Variants in CPNE4 observed in about 807,000 individuals in gnomAD.
The protein encoded by CPNE4 is copine-4.
A neutral mutation model predicts 67.9 loss-of-function variants in CPNE4; 25 were observed. The ratio of observed to expected loss-of-function variants is 0.37; its 90% CI spans 0.27 to 0.51. The LOEUF (loss-of-function observed/expected upper bound fraction) is 0.51, where lower values mean the gene tolerates loss of function less well. Ranked by LOEUF, CPNE4 falls within the 20% of genes least tolerant of loss-of-function variation. CPNE4 has a pLI of 0.93. For synonymous variants in CPNE4, 242 were observed against 244.9 expected, an observed-to-expected ratio of 0.99 and a Z score of 0.11; for missense variants, 464 against 690.8, an observed-to-expected ratio of 0.67 and a Z score of 3.68.
intron 1 of CPNE4, among the ~76,000 whole-genome samples, chr3:132,011,188 G>A (rs1484673693): frequency 6.6e-6 from 1 of 152,200 alleles, no homozygotes; most frequent in Non-Finnish European, 1.5e-5. Context: ...CTGCTGAGAA[G>A]AAGAGTCCCA....
At chr3:131,941,565 T>TATTTGAAAAAAATCATG (rs2071389181) in intron 1 of CPNE4, among the ~76,000 whole-genome samples, 1 of 152,078 alleles carries the variant, frequency 6.6e-6, no homozygotes, top group Admixed American at 6.6e-5. Context: ...AGAAAAGTTG[T>TATTTGAAAAAAATCATG]ATTTGAAAAA....
chr3:132,007,625 C>CT (rs1195191781), intron 1 of CPNE4, among the ~76,000 whole-genome samples: 326 of 146,334 alleles, frequency 2.2e-3, no homozygotes, highest in Middle Eastern at 7.1e-3. Flanking sequence ...CACAGCAGCC[C>CT]TTTTTTTTTT....
intron 9 of CPNE4, among the ~76,000 whole-genome samples, chr3:131,580,043 T>G (rs1937695423): frequency 6.6e-6 from 1 of 152,126 alleles, no homozygotes; most frequent in African/African-American, 2.4e-5. Context: ...AGTCAATTAA[T>G]GAGAAACTTC....
chr3:132,035,996 C>T (rs2074332224), upstream of CPNE4, among the ~76,000 whole-genome samples: 1 of 152,152 alleles, frequency 6.6e-6, no homozygotes. Context: ...CCATGAAGTT[C>T]TCAATTTCAA....
At chr3:131,923,480 G>A (rs1470271128) in intron 1 of CPNE4, among the ~76,000 whole-genome samples, 1 of 151,984 alleles carries the variant, frequency 6.6e-6, no homozygotes, top group Non-Finnish European at 1.5e-5. Context: ...CAAGGTGGGT[G>A]GGTCACTTGA....
intron 7 of CPNE4, among the ~76,000 whole-genome samples, chr3:131,594,691 G>T (rs1462344323): frequency 6.6e-6 from 1 of 152,122 alleles, no homozygotes; most frequent in Admixed American, 6.5e-5. Context: ...AGCAAAAATA[G>T]ATAGGTAGGA....
At chr3:131,750,844 A>AT (rs1295839882) in intron 2 of CPNE4, among the ~76,000 whole-genome samples, 6 of 150,940 alleles carry the variant, frequency 4.0e-5, no homozygotes, top group African/African-American at 7.3e-5. Flanking sequence ...GCTGGTGACA[A>AT]TTTTTTTTTA....
In CPNE4 at chr3:131,614,629, A is replaced by C. The variant is rs117128824; in HGVS notation, c.682-27047T>G. Among the ~76,000 whole-genome samples the C allele has an allele frequency of 7.9e-4, 121 of 152,336 alleles. 1 individual carries two copies. In the East Asian group the frequency reaches 0.014, roughly 18 times the overall value. On this transcript the variant is annotated intron_variant, in intron 7 of 15. Transcript: ENST00000429747. ...ATTTGGACTTGGGGTTGACAGAAGA[A>C]GTAGGAGAAAATTCTATGTAGGAAA...
At chr3:131,578,568 C>T in intron 9 of CPNE4, among the ~76,000 whole-genome samples, 1 of 152,146 alleles carries the variant, frequency 6.6e-6, no homozygotes, top group Admixed American at 6.5e-5. Context: ...ATGTCAGTAG[C>T]TGAGGTAGGC....
intron 1 of CPNE4, among the ~76,000 whole-genome samples, chr3:131,921,752 G>A (rs2070744529): frequency 6.6e-6 from 1 of 152,100 alleles, no homozygotes; most frequent in African/African-American, 2.4e-5. Context: ...CAATCATTAT[G>A]TTACTAGGGT....
Position 131,645,294 on chromosome 3 carries a change from T to C in CPNE4, c.681+24381A>G, listed in dbSNP as rs576244501. 3.8e-3 allele frequency among the ~76,000 whole-genome samples: 577 copies of C among 151,080 alleles called. 3 individuals carry two copies. The highest frequency in any genetic ancestry group is 0.013 in the African/African-American group (526 of 41,102). On this transcript the variant is annotated intron_variant, in intron 7 of 15. Transcript: ENST00000429747. ...TCTCTGCATCTTTTATGTTTGGCCA[T>C]TTTTTTTTCTTGGAAACACTGACTC...
intron 2 of CPNE4, among the ~76,000 whole-genome samples, chr3:131,759,962 G>C (rs911688898): frequency 6.6e-6 from 1 of 152,158 alleles, no homozygotes; most frequent in African/African-American, 2.4e-5. Flanking sequence ...CGTTTTATAG[G>C]ATCAGCTCCA....
At chr3:132,008,329 A>G (rs1190296110) in intron 1 of CPNE4, among the ~76,000 whole-genome samples, 2 of 152,226 alleles carry the variant, frequency 1.3e-5, no homozygotes, top group Non-Finnish European at 2.9e-5. Flanking sequence ...TTTAAGGTTC[A>G]TATGAAGATA....
intron 1 of CPNE4, among the ~76,000 whole-genome samples, chr3:131,930,279 G>T (rs936827071): frequency 6.6e-6 from 1 of 152,060 alleles, no homozygotes; most frequent in African/African-American, 2.4e-5. Flanking sequence ...ATGTACAAAG[G>T]GAAAATAGAA....
chr3:131,851,856 CAG>C (rs2086253068), intron 2 of CPNE4, among the ~76,000 whole-genome samples: 1 of 151,970 alleles, frequency 6.6e-6, no homozygotes, highest in Non-Finnish European at 1.5e-5. Flanking sequence ...GATGAAGAAA[CAG>C]AGACATGGGC....
In CPNE4 at chr3:131,653,209, G is replaced by C. The variant is rs1334643676; in HGVS notation, c.681+16466C>G. Among the ~76,000 whole-genome samples, 3 of 146,188 alleles carry C rather than the reference G, an allele frequency of 2.1e-5. No individual in the cohort carries two copies. The South Asian group carries it at 6.5e-4, about 32-fold the overall frequency. ...TGTCCAGGCTGGAGTGCAGTGGTGC[G>C]ATCTCGGCTCACTGCAAGCTCCGCC... On this transcript the variant is annotated intron_variant, in intron 7 of 15. Coordinates refer to ENST00000429747, the MANE Select transcript of CPNE4 (RefSeq NM_130808.3).
chr3:131,727,645 T>A (rs1283214414), intron 2 of CPNE4, among the ~76,000 whole-genome samples: 1 of 152,180 alleles, frequency 6.6e-6, no homozygotes, highest in African/African-American at 2.4e-5. Flanking sequence ...AGTATACAAT[T>A]CAATATGTTT....
intron 1 of CPNE4, among the ~76,000 whole-genome samples, chr3:132,016,097 A>G (rs2073884090): frequency 6.6e-6 from 1 of 152,238 alleles, no homozygotes; most frequent in Non-Finnish European, 1.5e-5. Context: ...AAAAGACAAG[A>G]TAACTTCTAA....
chr3:131,862,043 T>C (rs930037834), intron 2 of CPNE4, among the ~76,000 whole-genome samples: 15 of 152,234 alleles, frequency 9.9e-5, no homozygotes, highest in Non-Finnish European at 2.1e-4. Flanking sequence ...ACACAGATAT[T>C]ACCCAGGGGC....
Sources: gnomAD v4.1 joint callset for allele counts (sites outside exome capture counted in the v4.1 genomes callset) on GRCh38, gnomAD v4.1.1 for gene constraint, MANE v1.5 for transcripts, NCBI Gene and HGNC (gene_info 2026-07-23, HGNC 2026-07-21) for gene names.